Variants in IGSF21 observed in about 807,000 individuals in gnomAD.
IGSF21 encodes the protein immunoglobin superfamily member 21.
IGSF21 carries 28 observed loss-of-function variants against 46.8 expected under a neutral mutation model. The ratio of observed to expected loss-of-function variants is 0.60; its 90% CI spans 0.44 to 0.82. The LOEUF is 0.82. Among genes scored for constraint, IGSF21 ranks in the 40% least tolerant of loss-of-function variants. The pLI is 0.00. For missense variants in IGSF21, 624 were observed against 665.5 expected (o/e 0.94, Z 0.69); for synonymous variants, 284 against 273.6 (o/e 1.04, Z -0.38).
chr1:18,185,325 C>A (rs2086893493), intron 1 of IGSF21, among the ~76,000 whole-genome samples: 1 of 152,208 alleles, frequency 6.6e-6, no homozygotes, highest in Admixed American at 6.5e-5. Context: ...TGGAAGCTGG[C>A]TGCTTGTTTC....
chr1:18,343,978 GA>G (rs1018354679), intron 4 of IGSF21, among the ~76,000 whole-genome samples: 1 of 152,168 alleles, frequency 6.6e-6, no homozygotes, highest in African/African-American at 2.4e-5. Flanking sequence ...GTTCCCAGAG[GA>G]AAAGAGGGTA....
chr1:18,323,119 G>A (rs1161441391), intron 3 of IGSF21, among the ~76,000 whole-genome samples: 1 of 152,168 alleles, frequency 6.6e-6, no homozygotes, highest in Non-Finnish European at 1.5e-5. Context: ...GGTTTTTCTT[G>A]GGGTAATTCA....
chr1:18,189,338 G>A (rs1202874513), intron 1 of IGSF21, among the ~76,000 whole-genome samples: 1 of 152,170 alleles, frequency 6.6e-6, no homozygotes, highest in Non-Finnish European at 1.5e-5. Context: ...ATGTGAGCTG[G>A]ACATTGTGCT....
chr1:18,348,032 G>T (rs1165880002), intron 4 of IGSF21, among the ~76,000 whole-genome samples: 1 of 152,164 alleles, frequency 6.6e-6, no homozygotes, highest in Admixed American at 6.5e-5. Flanking sequence ...GGTACCAAAT[G>T]TTGCTCCAGG....
intron 1 of IGSF21, among the ~76,000 whole-genome samples, chr1:18,184,542 G>A (rs1441381473): frequency 6.6e-6 from 1 of 152,202 alleles, no homozygotes; most frequent in Non-Finnish European, 1.5e-5. Flanking sequence ...CACACGGGCT[G>A]CAGCCTGGTG....
At chr1:18,316,753 T>C (rs4920474) in intron 3 of IGSF21, among the ~76,000 whole-genome samples, 36,154 of 152,174 alleles carry the variant, frequency 0.24, 4,583 homozygotes, top group African/African-American at 0.28. Context: ...ATGAGAGTAA[T>C]AGTACATAAT....
chr1:18,311,336 T>C (rs1419758670), intron 3 of IGSF21, among the ~76,000 whole-genome samples: 1 of 152,114 alleles, frequency 6.6e-6, no homozygotes, highest in African/African-American at 2.4e-5. Context: ...ATAAGACTAA[T>C]CACTGTCCCC....
chr1:18,127,833 C>G (rs938018471), intron 1 of IGSF21, among the ~76,000 whole-genome samples: 2 of 152,118 alleles, frequency 1.3e-5, no homozygotes, highest in African/African-American at 4.8e-5. Flanking sequence ...CACTTGAACC[C>G]GGGAAGTCGA....
At chr1:18,176,430 G>C (rs2086798204) in intron 1 of IGSF21, among the ~76,000 whole-genome samples, 1 of 152,202 alleles carries the variant, frequency 6.6e-6, no homozygotes, top group African/African-American at 2.4e-5. Context: ...AAGTGATCTT[G>C]AGAGCAAGAC....
At chr1:18,275,662 C>T (rs1247434421) in intron 2 of IGSF21, among the ~76,000 whole-genome samples, 1 of 152,196 alleles carries the variant, frequency 6.6e-6, no homozygotes. Context: ...ACCTTCCATG[C>T]TAGGTGTCCG....
chr1:18,227,874 A>C, intron 1 of IGSF21, 24 bp from the exon 2 acceptor site: 1 of 1,575,886 alleles, frequency 6.3e-7, no homozygotes. Context: ...TGCCCTTACC[A>C]CCCCTTTCTC....
chr1:18,240,657 T>C (rs954354642), intron 2 of IGSF21, among the ~76,000 whole-genome samples: 4 of 152,176 alleles, frequency 2.6e-5, no homozygotes, highest in Admixed American at 2.6e-4. Flanking sequence ...GCCCTGAGGG[T>C]CACAGAGGTA....
chr1:18,270,174 G>T (rs888763352), intron 2 of IGSF21, among the ~76,000 whole-genome samples: 4 of 152,164 alleles, frequency 2.6e-5, no homozygotes, highest in Non-Finnish European at 5.9e-5. Context: ...TACCAGTCTT[G>T]CAGGGAAGCA....
At chr1:18,215,201 G>A (rs191987867) in intron 1 of IGSF21, among the ~76,000 whole-genome samples, 214 of 152,318 alleles carry the variant, frequency 1.4e-3, no homozygotes, top group Admixed American at 2.9e-3. Flanking sequence ...GACACAGAGC[G>A]AAACCATATC....
At chr1:18,254,858 T>TCATCCATC (rs57304649) in intron 2 of IGSF21, among the ~76,000 whole-genome samples, 52 of 150,474 alleles carry the variant, frequency 3.5e-4, no homozygotes, top group African/African-American at 1.3e-3. Context: ...ATCCATCCAT[T>TCATCCATC]CATCCATCCA....
intron 2 of IGSF21, among the ~76,000 whole-genome samples, chr1:18,253,677 G>C (rs1359831712): frequency 1.3e-5 from 2 of 152,228 alleles, no homozygotes; most frequent in Non-Finnish European, 2.9e-5. Flanking sequence ...GAAGGGATGG[G>C]GGGAGGTAGC....
At chr1:18,288,784 G>C (rs1367892941) in intron 2 of IGSF21, among the ~76,000 whole-genome samples, 3 of 152,158 alleles carry the variant, frequency 2.0e-5, no homozygotes, top group Non-Finnish European at 4.4e-5. Context: ...CAGACAGCTG[G>C]GACAGTGGGG....
At chr1:18,147,968 G>A (rs1051212858) in intron 1 of IGSF21, among the ~76,000 whole-genome samples, 6 of 151,932 alleles carry the variant, frequency 3.9e-5, no homozygotes, top group Non-Finnish European at 8.8e-5. Context: ...CTTTATAAGG[G>A]GGTGTTTTCC....
intron 3 of IGSF21, among the ~76,000 whole-genome samples, chr1:18,297,209 G>T (rs1569753736): frequency 6.6e-6 from 1 of 152,122 alleles, no homozygotes; most frequent in Non-Finnish European, 1.5e-5. Flanking sequence ...ACCCAACCCT[G>T]GGCATGTGGT....
Sources: allele counts gnomAD v4.1 joint callset (sites outside exome capture counted in the v4.1 genomes callset), GRCh38; gene constraint gnomAD v4.1.1; transcripts MANE v1.5; gene names NCBI Gene and HGNC (gene_info 2026-07-23, HGNC 2026-07-21).